Variants in ROBO2 observed in about 807,000 individuals in gnomAD.
ROBO2 encodes roundabout homolog 2.
In ROBO2, 53 loss-of-function variants were observed where a neutral mutation model predicts 160.8. The ratio of observed to expected loss-of-function variants is 0.33; its 90% CI spans 0.26 to 0.41. The LOEUF (loss-of-function observed/expected upper bound fraction) is 0.41, where lower values mean the gene tolerates loss of function less well. ROBO2 is among the 10% of genes least tolerant of loss of function. ROBO2 has a pLI of 1.00. For synonymous variants in ROBO2, 664 were observed against 611.7 expected (o/e 1.09, Z -1.26); for missense variants, 1,577 against 1,722.4 (o/e 0.92, Z 1.49).
chr3:76,981,859 A>T (rs188783491), intron 2 of ROBO2, among the ~76,000 whole-genome samples: 12 of 152,176 alleles, frequency 7.9e-5, no homozygotes, highest in African/African-American at 2.9e-4. Context: ...GAGAGAGTGG[A>T]TGGGAAGATG....
intron 2 of ROBO2, among the ~76,000 whole-genome samples, chr3:76,745,638 G>C (rs1386903440): frequency 6.6e-6 from 1 of 151,876 alleles, no homozygotes; most frequent in Non-Finnish European, 1.5e-5. Context: ...TGAGCATCTT[G>C]ATAAAGTGTA....
intron 2 of ROBO2, among the ~76,000 whole-genome samples, chr3:76,985,378 C>G (rs1317348635): frequency 6.6e-6 from 1 of 151,502 alleles, no homozygotes; most frequent in Non-Finnish European, 1.5e-5. Flanking sequence ...GTCAGGAGAT[C>G]GAGACCATCC....
chr3:76,805,434 T>C (rs1203255215), intron 2 of ROBO2, among the ~76,000 whole-genome samples: 2 of 152,010 alleles, frequency 1.3e-5, no homozygotes, highest in African/African-American at 2.4e-5. Flanking sequence ...TAGGCATCTT[T>C]TATTTTGACC....
chr3:76,179,337 C>A (rs1460973898), intron 2 of ROBO2, among the ~76,000 whole-genome samples: 1 of 152,142 alleles, frequency 6.6e-6, no homozygotes, highest in Non-Finnish European at 1.5e-5. Context: ...CCCCAAAGGG[C>A]ATGAATCTTC....
chr3:75,925,202 G>A (rs1947239789), intron 1 of ROBO2, among the ~76,000 whole-genome samples: 1 of 151,830 alleles, frequency 6.6e-6, no homozygotes, highest in South Asian at 2.1e-4. Flanking sequence ...AGATCAGCCC[G>A]GGCAACATGG....
chr3:76,393,988 C>T (rs1433695654), intron 2 of ROBO2, among the ~76,000 whole-genome samples: 1 of 152,098 alleles, frequency 6.6e-6, no homozygotes, highest in African/African-American at 2.4e-5. Context: ...GGTAGATCTT[C>T]CTCCATCCTT....
intron 2 of ROBO2, among the ~76,000 whole-genome samples, chr3:77,274,412 AT>A (rs1396364253): frequency 6.6e-6 from 1 of 152,120 alleles, no homozygotes; most frequent in Admixed American, 6.6e-5. Context: ...AATGTTTTAT[AT>A]TTATTCATGA....
intron 2 of ROBO2, among the ~76,000 whole-genome samples, chr3:77,119,066 C>G (rs549680263): frequency 1.3e-5 from 2 of 152,050 alleles, no homozygotes; most frequent in Non-Finnish European, 2.9e-5. Flanking sequence ...TGAGTTCTCA[C>G]GAGATCTGAT....
At chr3:76,487,319 T>C (rs780982694) in intron 2 of ROBO2, among the ~76,000 whole-genome samples, 4 of 152,116 alleles carry the variant, frequency 2.6e-5, no homozygotes, top group Non-Finnish European at 2.9e-5. Flanking sequence ...CGTCACATCC[T>C]TTTTATGATA....
At chr3:76,092,864 A>G (rs1199755602) in intron 2 of ROBO2, among the ~76,000 whole-genome samples, 2 of 152,208 alleles carry the variant, frequency 1.3e-5, no homozygotes, top group Non-Finnish European at 2.9e-5. Flanking sequence ...AACCTTGACA[A>G]AAGAACAGTT....
rs139940984 is a variant in ROBO2, at chr3:77,161,730, G to GT, written c.388+63400dup. 2.9e-3 allele frequency among the ~76,000 whole-genome samples: 423 copies of GT among 143,952 alleles called. 3 individuals are homozygous for GT. Among genetic ancestry groups the GT allele is most frequent in the African/African-American group, 0.01 (367 of 36,098 alleles). 94.4% of individuals were successfully genotyped at this position (143,952 alleles called of 152,430 possible). On this transcript the variant is annotated intron_variant, in intron 2 of 25. Transcript: ENST00000461745. ...ATTCCCAGGTGTTTTCTGAAAATACGTTTTTTTTTTCTTAGCCTTTCTTAA... is the reference window on the plus strand; with the variant it reads ...ATTCCCAGGTGTTTTCTGAAAATACGTTTTTTTTTTTCTTAGCCTTTCTTAA...
intron 2 of ROBO2, among the ~76,000 whole-genome samples, chr3:76,586,934 T>G (rs766030117): frequency 2.0e-5 from 3 of 152,216 alleles, no homozygotes; most frequent in African/African-American, 4.8e-5. Flanking sequence ...TCAGGGAACA[T>G]GAAAATTGAC....
chr3:76,199,004 C>T (rs1405482731), intron 2 of ROBO2, among the ~76,000 whole-genome samples: 5 of 152,142 alleles, frequency 3.3e-5, no homozygotes, highest in African/African-American at 1.2e-4. Flanking sequence ...GCTATGAGTC[C>T]TATTCTCACA....
At chr3:76,082,996 A>C (rs2068884181) in intron 2 of ROBO2, among the ~76,000 whole-genome samples, 1 of 152,114 alleles carries the variant, frequency 6.6e-6, no homozygotes, top group Non-Finnish European at 1.5e-5. Context: ...GTGATGGCAT[A>C]TATGTAATGA....
At chr3:77,076,690 G>A (rs1220511810) in intron 1 of ROBO2, among the ~76,000 whole-genome samples, 1 of 152,088 alleles carries the variant, frequency 6.6e-6, no homozygotes. Context: ...AAATAATGTA[G>A]CACTTTGCAT....
At chr3:76,844,887 A>G (rs2068635413) in intron 2 of ROBO2, among the ~76,000 whole-genome samples, 2 of 115,828 alleles carry the variant, frequency 1.7e-5, no homozygotes, top group African/African-American at 6.4e-5. Context: ...AGATGAGTAT[A>G]AAGCAAAGTG....
intron 2 of ROBO2, among the ~76,000 whole-genome samples, chr3:76,673,661 T>C (rs1021345779): frequency 5.9e-5 from 9 of 152,106 alleles, no homozygotes; most frequent in South Asian, 2.1e-4. Flanking sequence ...AAGTTCAGAT[T>C]GTGGAGAAGA....
chr3:75,949,394 A>T (rs1948449651), intron 2 of ROBO2, among the ~76,000 whole-genome samples: 1 of 152,046 alleles, frequency 6.6e-6, no homozygotes, highest in Non-Finnish European at 1.5e-5. Context: ...TTTATCTCAG[A>T]GGAATTTTGT....
chr3:76,891,904 C>G (rs973744925), intron 2 of ROBO2, among the ~76,000 whole-genome samples: 1 of 152,000 alleles, frequency 6.6e-6, no homozygotes, highest in Non-Finnish European at 1.5e-5. Context: ...TAAAGTGGTT[C>G]GAGTTCTAGA....
Sources: allele counts gnomAD v4.1 joint callset (sites outside exome capture counted in the v4.1 genomes callset), GRCh38; gene constraint gnomAD v4.1.1; transcripts MANE v1.5; gene names NCBI Gene and HGNC (gene_info 2026-07-23, HGNC 2026-07-21).